The following UTRN variants were observed in gnomAD, a reference collection of about 807,000 sequenced individuals.
The protein encoded by UTRN is utrophin.
Under a neutral mutation model 463.9 loss-of-function variants are expected in UTRN, and 283 were observed. The observed-to-expected ratio is 0.61, with a 90% CI of 0.55 to 0.67. UTRN has a LOEUF of 0.67. Ranked by LOEUF, UTRN falls within the 30% of genes least tolerant of loss-of-function variation. The pLI is 0.00. For synonymous variants in UTRN, 1,442 were observed against 1,431.5 expected (o/e 1.01, Z -0.17); for missense variants, 3,922 against 4,084.3 (o/e 0.96, Z 1.08).
At chr6:144,444,883 A>G (rs1787509521) in intron 14 of UTRN, among the ~76,000 whole-genome samples, 1 of 152,196 alleles carries the variant, frequency 6.6e-6, no homozygotes, top group Admixed American at 6.5e-5. Context: ...TATTTTTTCC[A>G]CTAAGTGTTA....
At chr6:144,362,100 T>C (rs1429354087) in intron 2 of UTRN, among the ~76,000 whole-genome samples, 1 of 152,200 alleles carries the variant, frequency 6.6e-6, no homozygotes. Context: ...ACATATCAAC[T>C]CATTGGAGCT....
intron 51 of UTRN, among the ~76,000 whole-genome samples, chr6:144,651,970 C>T (rs1778859365): frequency 6.6e-6 from 1 of 152,140 alleles, no homozygotes. Flanking sequence ...CACCCCCCTC[C>T]CACACTTTCC....
At chr6:144,782,210 A>T in intron 61 of UTRN, 87 bp downstream of exon 61, 1 of 1,163,476 alleles carries the variant, frequency 8.6e-7, no homozygotes, top group East Asian at 2.7e-5. Flanking sequence ...GAATTTTTTA[A>T]TAAGTGCTTT....
At chr6:144,726,267 T>TC (rs558689888) in intron 53 of UTRN, among the ~76,000 whole-genome samples, 16 of 152,318 alleles carry the variant, frequency 1.1e-4, no homozygotes, top group African/African-American at 3.4e-4. Context: ...TGGCCTGACC[T>TC]CCGCCCACAC....
chr6:144,797,283 G>T (rs1433638616), intron 63 of UTRN, among the ~76,000 whole-genome samples: 1 of 151,728 alleles, frequency 6.6e-6, no homozygotes, highest in Non-Finnish European at 1.5e-5. Flanking sequence ...CCGCCTCCCA[G>T]GTTCAAGCGA....
intron 29 of UTRN, among the ~76,000 whole-genome samples, chr6:144,488,191 A>G (rs1792671756): frequency 1.3e-5 from 2 of 152,226 alleles, no homozygotes; most frequent in African/African-American, 2.4e-5. Context: ...TGTTCAGCCC[A>G]TGAATAACAT....
At chr6:144,336,442 T>C (rs544023823) in intron 2 of UTRN, among the ~76,000 whole-genome samples, 37 of 152,250 alleles carry the variant, frequency 2.4e-4, no homozygotes, top group Middle Eastern at 3.4e-3. Context: ...GAAGACCACA[T>C]TGGGGTTCAT....
At chr6:144,727,744 A>G (rs62427198) in intron 53 of UTRN, among the ~76,000 whole-genome samples, 1,917 of 151,566 alleles carry the variant, frequency 0.013, 17 homozygotes, top group Non-Finnish European at 0.02. Context: ...CAGCCTGGGC[A>G]ACACAGCGAG....
At chr6:144,654,274 C>T (rs141646809) in intron 51 of UTRN, among the ~76,000 whole-genome samples, 3 of 152,278 alleles carry the variant, frequency 2.0e-5, no homozygotes, top group Non-Finnish European at 4.4e-5. Context: ...AGCAGTAGCT[C>T]CACAATGAAT....
At position 144,551,018 on chromosome 6, in the gene UTRN, A is replaced by T; in HGVS notation, c.6864A>T (p.Thr2288=). The change falls in exon 48 of 75, where the codon ACA becomes ACT. Residue 2288 remains threonine, a synonymous_variant. Coordinates refer to ENST00000367545, the MANE Select transcript of UTRN (RefSeq NM_007124.3). ...ATCCTCAGCTGGATTATGTTTTTAC[A>T]TTGGCACAGAATTTGAAAAATAAAG... The part of the protein sequence containing the change: ...QRHPQLDYVF[T]LAQNLKNKAS... 6.2e-7 allele frequency: 1 copy of T among 1,612,718 alleles called. No homozygotes were observed. Among genetic ancestry groups the T allele is most frequent in the Non-Finnish European group, 8.5e-7 (1 of 1,179,634 alleles).
intron 2 of UTRN, chr6:144,344,109 AACC>A: frequency 8.7e-7 from 1 of 1,149,280 alleles, no homozygotes; most frequent in Non-Finnish European, 1.1e-6. Flanking sequence ...AAAAAAAAAA[AACC>A]CAAAATAACA....
At chr6:144,328,636 C>T (rs1584298142) in intron 2 of UTRN, among the ~76,000 whole-genome samples, 1 of 152,048 alleles carries the variant, frequency 6.6e-6, no homozygotes, top group Non-Finnish European at 1.5e-5. Flanking sequence ...AGTAAAAATA[C>T]ATTCATTCAG....
At chr6:144,321,211 AACACAC>A (rs3061624) in intron 2 of UTRN, among the ~76,000 whole-genome samples, 4 of 150,820 alleles carry the variant, frequency 2.7e-5, no homozygotes, top group South Asian at 2.1e-4. Context: ...ACTATTTACA[AACACAC>A]ACACACACAC....
At chr6:144,606,982 T>C (rs1804919257) in intron 51 of UTRN, among the ~76,000 whole-genome samples, 1 of 152,208 alleles carries the variant, frequency 6.6e-6, no homozygotes, top group Non-Finnish European at 1.5e-5. Context: ...CTTGGCCTCA[T>C]TGTACATCCT....
chr6:144,851,799 C>A lies in UTRN; in HGVS notation c.*802C>A, dbSNP rs1169449786. On this transcript the variant is annotated 3_prime_UTR_variant, in exon 75 of 75. Coordinates refer to ENST00000367545, the MANE Select transcript of UTRN (RefSeq NM_007124.3). ...TAGGAATTAATTATTTATTTTATGT[C>A]TTAATCTATTTGATAAAGAAGACTA... The A allele has an allele frequency of 6.6e-6, 1 of 152,122 alleles. No individual in the cohort carries two copies. The highest frequency in any genetic ancestry group is 2.1e-4 in the South Asian group (1 of 4,812). 9.4% of individuals were successfully genotyped at this position (152,122 alleles called of 1,614,324 possible).
rs866743400 is a variant in UTRN at position 144,290,643 on chromosome 6, A to T, written c.-92-1094A>T. Among the ~76,000 whole-genome samples the T allele has an allele frequency of 2.0e-5, 3 of 151,948 alleles. No individual in the cohort carries two copies. In the Middle Eastern group the frequency reaches 0.01, roughly 517 times the overall value. On this transcript the variant is annotated intron_variant, in intron 1 of 74. Coordinates refer to ENST00000367545, the MANE Select transcript of UTRN (RefSeq NM_007124.3). ...GAGTTGCAAGAAATTTTCATTCAGCATTCATATACCCATGAGCTAGGTTCC... is the reference window on the plus strand; with the variant it reads ...GAGTTGCAAGAAATTTTCATTCAGCTTTCATATACCCATGAGCTAGGTTCC...
rs9403562 is a variant in UTRN, at chr6:144,435,730, A to C, written c.856-205A>C. Reference sequence around the variant, plus strand: ...CCTTGAGTACAGAATTCATGAGTGCATGCTGCTTTTATACTCTTTGCTACC... The same window carrying C: ...CCTTGAGTACAGAATTCATGAGTGCCTGCTGCTTTTATACTCTTTGCTACC... On this transcript the variant is annotated intron_variant, in intron 9 of 74. Coordinates refer to ENST00000367545, the MANE Select transcript of UTRN (RefSeq NM_007124.3). 0.11 allele frequency among the ~76,000 whole-genome samples: 16,884 copies of C among 152,190 alleles called. 1,272 individuals carry two copies. Among genetic ancestry groups the C allele is most frequent in the East Asian group, 0.31 (1,595 of 5,178 alleles).
chr6:144,771,919 G>A lies in UTRN; in HGVS notation c.8508G>A (p.Gln2836=), dbSNP rs768916866. 2 of 1,553,136 alleles carry A rather than the reference G, an allele frequency of 1.3e-6. No homozygotes were observed. The highest frequency in any genetic ancestry group is 1.9e-5 in the Admixed American group (1 of 53,706). ...KVPYYINHQT[Q]TTCWDHPKMT... is the part of the protein sequence containing the mutation. ...CTTTTTTTTCCAGCCATCAAACACA[G>A]ACCACCTGTTGGGACCATCCTAAAA... The change falls in exon 59 of 75, where the codon CAG becomes CAA. Residue 2836 remains glutamine, a synonymous_variant. Transcript: ENST00000367545.
At chr6:144,439,466 A>G (rs921994059) in intron 12 of UTRN, among the ~76,000 whole-genome samples, 4 of 152,040 alleles carry the variant, frequency 2.6e-5, no homozygotes, top group African/African-American at 9.7e-5. Flanking sequence ...TGAGAACACT[A>G]TTGATAGTAT....
Sources: gnomAD v4.1 joint callset for allele counts (sites outside exome capture counted in the v4.1 genomes callset) on GRCh38, gnomAD v4.1.1 for gene constraint, MANE v1.5 for transcripts, NCBI Gene and HGNC (gene_info 2026-07-23, HGNC 2026-07-21) for gene names.